ST6GALNAC6: variants seen among roughly 807,000 people sequenced by gnomAD.
ST6GALNAC6 encodes the protein ST6 N-acetylgalactosaminide alpha-2,6-sialyltransferase 6.
Under a neutral mutation model 34.3 loss-of-function variants are expected in ST6GALNAC6, and 19 were observed. The ratio of observed to expected loss-of-function variants is 0.55; its 90% CI spans 0.39 to 0.81. The LOEUF is 0.81. Among genes scored for constraint, ST6GALNAC6 ranks in the 40% least tolerant of loss-of-function variants. ST6GALNAC6 has a pLI of 0.00. For synonymous variants in ST6GALNAC6, 185 were observed against 182.1 expected (o/e 1.02, Z -0.13); for missense variants, 377 against 467.7 (o/e 0.81, Z 1.79).
upstream of ST6GALNAC6, chr9:127,902,881 A>G (rs1178823703): frequency 6.6e-6 from 1 of 150,900 alleles, no homozygotes; most frequent in African/African-American, 2.4e-5. Flanking sequence ...GAGTCACCGC[A>G]CCCAGCCCAC....
chr9:127,905,186 AGGCTCCTGCCCTG>A (rs1830886350), intron 1 of ST6GALNAC6: 1 of 979,928 alleles, frequency 1.0e-6, no homozygotes, highest in Admixed American at 6.2e-5. Flanking sequence ...GGCTGTGGGG[AGGCTCCTGCCCTG>A]GGCTCACCTC....
Position 127,896,295 on chromosome 9 carries a change from C to T in ST6GALNAC6, c.64G>A (p.Gly22Arg). 1 of 1,613,994 alleles carries T rather than the reference C, an allele frequency of 6.2e-7. No homozygotes were observed. The highest frequency in any genetic ancestry group is 8.5e-7 in the Non-Finnish European group (1 of 1,179,900). ...PTSLPPGPPA[G>R]RRHLPLSRRR... ...CTGCTGAGGGGTAGGTGTCGGCGTCCTGCAGGTGGCCCTGGGGGCAGGGAT... is the reference window on the plus strand; with the variant it reads ...CTGCTGAGGGGTAGGTGTCGGCGTCTTGCAGGTGGCCCTGGGGGCAGGGAT... The change falls in exon 3 of 7, where the codon GGA (glycine) becomes AGA (arginine). Residue 22 changes from glycine (G) to arginine (R), a missense_variant. Gly to Arg is a moderately radical substitution (Grantham distance 125). Transcript: ENST00000373146.
upstream of ST6GALNAC6, among the ~76,000 whole-genome samples, chr9:127,899,986 C>G (rs1830693208): frequency 6.6e-6 from 1 of 152,222 alleles, no homozygotes; most frequent in African/African-American, 2.4e-5. Context: ...CTGTAGTCAC[C>G]TGGGCAAACT....
upstream of ST6GALNAC6, chr9:127,899,706 C>A: frequency 1.0e-6 from 1 of 974,268 alleles, no homozygotes; most frequent in South Asian, 4.7e-5. Flanking sequence ...CGCCCACGGG[C>A]GGCGCGGGCG....
At chr9:127,887,296 TC>T (rs1427653615) in intron 6 of ST6GALNAC6, among the ~76,000 whole-genome samples, 187 bp downstream of exon 6, 2 of 152,078 alleles carry the variant, frequency 1.3e-5, no homozygotes, top group African/African-American at 4.8e-5. Flanking sequence ...ATAAATAAAC[TC>T]TGGCGGAGCT....
chr9:127,887,651 C>T, intron 5 of ST6GALNAC6, 60 bp from the exon 6 acceptor site: 1 of 1,384,718 alleles, frequency 7.2e-7, no homozygotes, highest in Non-Finnish European at 1.0e-6. Flanking sequence ...AGCAGGTGAC[C>T]CAGGGTCACC....
chr9:127,900,287 T>C (rs1830702336), upstream of ST6GALNAC6, among the ~76,000 whole-genome samples: 1 of 152,078 alleles, frequency 6.6e-6, no homozygotes. Context: ...CCAGGCGCGG[T>C]GGTTCGCTCA....
intron 5 of ST6GALNAC6, among the ~76,000 whole-genome samples, chr9:127,889,407 C>T (rs535354368): frequency 8.7e-5 from 13 of 149,986 alleles, no homozygotes; most frequent in African/African-American, 2.7e-4. Context: ...TTACAGGATA[C>T]AGGATCAACA....
Position 127,899,437 on chromosome 9 carries a change from CCCTCCGCCCCAGCCCCCG to C in ST6GALNAC6, c.-30+48_-30+65del, listed in dbSNP as rs1830663115. 104 of 761,918 alleles carry C rather than the reference CCCTCCGCCCCAGCCCCCG, an allele frequency of 1.4e-4. No individual in the cohort carries two copies. In the South Asian group the frequency reaches 1.9e-3, roughly 14 times the overall value. The allele number at this position is 761,918 out of a possible 1,614,324, so 47.2% of individuals were successfully genotyped here. A position where few individuals can be genotyped will look rare whatever the true frequency, so the allele number is the denominator to read the frequency against. On this transcript the variant is annotated intron_variant, in intron 1 of 6. Transcript: ENST00000373146. ...CGATTAGCAATCTCCTCTCCCGGCGCCCTCCGCCCCAGCCCCCGCCTCCGCCCCCGCCCCCGCGGCCTG... is the reference window on the plus strand; with the variant it reads ...CGATTAGCAATCTCCTCTCCCGGCGCCCTCCGCCCCCGCCCCCGCGGCCTG...
chr9:127,905,976 G>A, upstream of ST6GALNAC6: 2 of 985,556 alleles, frequency 2.0e-6, no homozygotes, highest in Non-Finnish European at 2.4e-6. Context: ...TCCGTGCTGT[G>A]GCTCCGCTGC....
At chr9:127,889,962 C>T (rs1278550984) in intron 5 of ST6GALNAC6, among the ~76,000 whole-genome samples, 1 of 152,088 alleles carries the variant, frequency 6.6e-6, no homozygotes, top group Non-Finnish European at 1.5e-5. Context: ...GATGTAATCT[C>T]ATTCTGTCAC....
chr9:127,904,793 G>T (rs559867801), intron 1 of ST6GALNAC6: 1 of 152,574 alleles, frequency 6.6e-6, no homozygotes, highest in Admixed American at 6.5e-5. Flanking sequence ...AGAGGGTCTG[G>T]AACGAGGAAG....
chr9:127,896,208 G>A, intron 3 of ST6GALNAC6, 34 bp downstream of exon 3: 1 of 1,606,704 alleles, frequency 6.2e-7, no homozygotes. Context: ...GAAGTGAGAG[G>A]CTCAATGGGG....
At chr9:127,905,226 C>T in exon 1 of ST6GALNAC6, 6 of 985,568 alleles carry the variant, frequency 6.1e-6, no homozygotes, top group Non-Finnish European at 7.2e-6. Flanking sequence ...GCTGCAGGAA[C>T]TGCTGTGGCA....
In ST6GALNAC6 at chr9:127,889,474, C is replaced by T. The variant is rs953667481; in HGVS notation, c.704+1163G>A. Among the ~76,000 whole-genome samples, 7 of 150,450 alleles carry T rather than the reference C, an allele frequency of 4.7e-5. No individual in the cohort carries two copies. The East Asian group carries it at 7.8e-4, about 17-fold the overall frequency. Reference sequence around the variant, plus strand: ...TTTTTTTTTTCTTGAGATGGAGTCTCGCCTTGTGGCCTAGGCTGGAGTGCA... The same window carrying T: ...TTTTTTTTTTCTTGAGATGGAGTCTTGCCTTGTGGCCTAGGCTGGAGTGCA... On this transcript the variant is annotated intron_variant, in intron 5 of 6. Transcript: ENST00000373146.
At chr9:127,898,038 T>A in intron 1 of ST6GALNAC6, 28 bp from the exon 2 acceptor site, 1 of 1,095,600 alleles carries the variant, frequency 9.1e-7, no homozygotes. Flanking sequence ...TAAGAGTCGG[T>A]AACTCAAGGG....
chr9:127,887,405 G>A lies in ST6GALNAC6; in HGVS notation c.812+79C>T, dbSNP rs567652314. On this transcript the variant is annotated intron_variant, in intron 6 of 6. Transcript: ENST00000373146. Reference sequence around the variant, plus strand: ...GGCCCTCAAAGGCACCTTCAGCCAAGGTTTCCAGCCCCTAGAGCTCCATCC... The same window carrying A: ...GGCCCTCAAAGGCACCTTCAGCCAAAGTTTCCAGCCCCTAGAGCTCCATCC... 46 of 1,252,602 alleles carry A rather than the reference G, an allele frequency of 3.7e-5. No homozygotes were observed. The East Asian group carries it at 1.1e-3, about 30-fold the overall frequency. The allele number at this position is 1,252,602 out of a possible 1,614,324, so 77.6% of individuals were successfully genotyped here.
At chr9:127,892,044 G>A (rs1348301832) in intron 4 of ST6GALNAC6, among the ~76,000 whole-genome samples, 2 of 152,118 alleles carry the variant, frequency 1.3e-5, no homozygotes, top group East Asian at 1.9e-4. Context: ...CCAGTTACTC[G>A]GGAGGCTGAG....
At position 127,890,808 on chromosome 9, in the gene ST6GALNAC6, G is replaced by C. The variant is rs377173237; in HGVS notation, c.533C>G (p.Thr178Ser). ...CGGGGGCCCCCAGAAGATGAACACG[G>C]TTTCAGGGGTCCGGTTGACAAACTC... is the stretch of plus-strand genomic sequence containing the variant. ...PQEFVNRTPE[T>S]VFIFWGPPSK... The change falls in exon 5 of 7, where the codon ACC (threonine) becomes AGC (serine). Residue 178 changes from threonine to serine, a missense_variant. Physicochemically the swap from Thr to Ser is moderately conservative, Grantham distance 58. Transcript: ENST00000373146. This position sits in a 1 kb window ranked among gnomAD's most constrained non-coding sequence, Gnocchi z 4.3. 15 of 1,613,668 alleles carry C rather than the reference G, an allele frequency of 9.3e-6. No homozygotes were observed. The highest frequency in any genetic ancestry group is 1.2e-5 in the Non-Finnish European group (14 of 1,179,676).
Sources: allele counts gnomAD v4.1 joint callset (sites outside exome capture counted in the v4.1 genomes callset), GRCh38; gene constraint gnomAD v4.1.1; non-coding constraint Gnocchi (gnomAD v3.1); transcripts MANE v1.5; gene names NCBI Gene and HGNC (gene_info 2026-07-23, HGNC 2026-07-21).